Variants in PTPRD observed in about 807,000 individuals in gnomAD.
PTPRD encodes receptor-type tyrosine-protein phosphatase delta.
PTPRD carries 34 observed loss-of-function variants against 214.5 expected under a neutral mutation model. That is an observed-to-expected ratio of 0.16 (90% confidence interval 0.12 to 0.21). The LOEUF is 0.21. Ranked by LOEUF, PTPRD falls within the 10% of genes least tolerant of loss-of-function variation. PTPRD has a pLI of 1.00. For synonymous variants in PTPRD, 1,128 were observed against 845.7 expected (o/e 1.33, Z -5.79); for missense variants, 2,545 against 2,398.7 (o/e 1.06, Z -1.27).
intron 7 of PTPRD, among the ~76,000 whole-genome samples, chr9:9,726,626 C>A (rs745907672): frequency 6.6e-6 from 1 of 151,970 alleles, no homozygotes; most frequent in African/African-American, 2.4e-5. Flanking sequence ...TTCTCATTTG[C>A]AAAAATGGTA....
intron 9 of PTPRD, among the ~76,000 whole-genome samples, chr9:9,203,451 C>G (rs1327702114): frequency 2.0e-5 from 3 of 152,136 alleles, no homozygotes; most frequent in African/African-American, 7.2e-5. Context: ...TTCACATCAT[C>G]ATCTATCAAT....
At chr9:9,549,102 T>C (rs2079550340) in intron 8 of PTPRD, among the ~76,000 whole-genome samples, 1 of 152,092 alleles carries the variant, frequency 6.6e-6, no homozygotes, top group South Asian at 2.1e-4. Flanking sequence ...AAGTAGGCAA[T>C]ATTTTTTAGA....
At chr9:8,331,525 CAGACAATGA>C in intron 44 of PTPRD, 48 bp downstream of exon 44, 4 of 1,579,556 alleles carry the variant, frequency 2.5e-6, no homozygotes, top group Non-Finnish European at 3.4e-6. Context: ...AAAGTGTATA[CAGACAATGA>C]AGAAACACCA....
chr9:8,865,940 T>G (rs1341772831), intron 11 of PTPRD, among the ~76,000 whole-genome samples: 2 of 152,218 alleles, frequency 1.3e-5, no homozygotes, highest in African/African-American at 4.8e-5. Context: ...TAAAGTTTCA[T>G]GCTTTCCTAC....
At chr9:9,052,430 C>A (rs2099687863) in intron 10 of PTPRD, among the ~76,000 whole-genome samples, 1 of 152,142 alleles carries the variant, frequency 6.6e-6, no homozygotes, top group African/African-American at 2.4e-5. Context: ...AGATCAGAAC[C>A]CATTCCTTTG....
At chr9:8,793,155 C>G (rs1391139181) in intron 11 of PTPRD, among the ~76,000 whole-genome samples, 1 of 152,184 alleles carries the variant, frequency 6.6e-6, no homozygotes, top group Non-Finnish European at 1.5e-5. Flanking sequence ...GTAGCCCTGT[C>G]ATTGTAACAG....
intron 2 of PTPRD, among the ~76,000 whole-genome samples, chr9:10,343,978 GTTTTT>G (rs139613939): frequency 3.2e-5 from 1 of 31,664 alleles, no homozygotes; most frequent in African/African-American, 1.3e-4. Flanking sequence ...TCTGATGGTA[GTTTTT>G]TTTTTTTTTT....
At chr9:9,631,965 G>C (rs1437074821) in intron 7 of PTPRD, among the ~76,000 whole-genome samples, 1 of 152,014 alleles carries the variant, frequency 6.6e-6, no homozygotes, top group Non-Finnish European at 1.5e-5. Context: ...TAAAAAGTAA[G>C]GTTTATAATG....
At chr9:9,923,873 T>C (rs778968896) in intron 5 of PTPRD, among the ~76,000 whole-genome samples, 84 of 151,550 alleles carry the variant, frequency 5.5e-4, no homozygotes, top group Admixed American at 1.3e-3. Context: ...GAACAAGAAG[T>C]CCAACAGAGA....
intron 4 of PTPRD, among the ~76,000 whole-genome samples, chr9:9,971,050 A>G (rs10114140): frequency 0.22 from 34,039 of 152,162 alleles, 4,822 homozygotes; most frequent in African/African-American, 0.4. Flanking sequence ...TTAAGTAACA[A>G]CCTACAAAGA....
At chr9:10,005,899 TTAAA>T (rs1393432614) in intron 4 of PTPRD, among the ~76,000 whole-genome samples, 7 of 151,994 alleles carry the variant, frequency 4.6e-5, no homozygotes, top group African/African-American at 7.2e-5. Context: ...AAATGCTTAA[TTAAA>T]TAATCAGTCA....
rs1158257579 is a variant in PTPRD, at chr9:9,674,934, GTAGTT to G, written c.-287+59594_-287+59598del. Among the ~76,000 whole-genome samples, 4 of 151,870 alleles carry G rather than the reference GTAGTT, an allele frequency of 2.6e-5. No homozygotes were observed. In the East Asian group the frequency reaches 7.7e-4, roughly 29 times the overall value. ...ATGGTGAACAAAAAGACAAAAAAAA[GTAGTT>G]TAAGTATAGAAGGTTAGAAATAACA... On this transcript the variant is annotated intron_variant, in intron 7 of 45. Coordinates refer to ENST00000381196, the MANE Select transcript of PTPRD (RefSeq NM_002839.4).
intron 9 of PTPRD, among the ~76,000 whole-genome samples, chr9:9,355,709 G>C (rs1192774066): frequency 6.6e-6 from 1 of 151,548 alleles, no homozygotes; most frequent in Non-Finnish European, 1.5e-5. Flanking sequence ...CAGGTATACA[G>C]AAGGTGTTTG....
At chr9:8,607,892 T>G (rs546185487) in intron 14 of PTPRD, among the ~76,000 whole-genome samples, 1 of 152,338 alleles carries the variant, frequency 6.6e-6, no homozygotes, top group South Asian at 2.1e-4. Flanking sequence ...TACATTATGG[T>G]GGACTTTATA....
chr9:10,383,802 A>G (rs188331741), intron 2 of PTPRD, among the ~76,000 whole-genome samples: 1 of 152,018 alleles, frequency 6.6e-6, no homozygotes, highest in African/African-American at 2.4e-5. Context: ...ATAAGTTAGC[A>G]TAATAGGAAC....
intron 10 of PTPRD, among the ~76,000 whole-genome samples, chr9:9,162,927 G>T (rs1213747543): frequency 1.3e-5 from 2 of 151,972 alleles, no homozygotes; most frequent in African/African-American, 4.8e-5. Context: ...TAACTTCTTG[G>T]GAACATTTGA....
At chr9:9,169,702 T>C (rs1316547507) in intron 10 of PTPRD, among the ~76,000 whole-genome samples, 1 of 152,188 alleles carries the variant, frequency 6.6e-6, no homozygotes, top group Non-Finnish European at 1.5e-5. Flanking sequence ...AAAGATTTAC[T>C]ACCATGTTTA....
intron 10 of PTPRD, among the ~76,000 whole-genome samples, chr9:9,032,891 C>T (rs968171552): frequency 4.4e-4 from 67 of 152,250 alleles, no homozygotes; most frequent in African/African-American, 1.5e-3. Context: ...GTCTTCCCTT[C>T]CAGCCGGCCT....
chr9:8,836,438 G>C (rs1475990299), intron 11 of PTPRD, among the ~76,000 whole-genome samples: 1 of 151,794 alleles, frequency 6.6e-6, no homozygotes, highest in African/African-American at 2.4e-5. Flanking sequence ...TTTAACATTA[G>C]GACATCTACT....
Sources: gnomAD v4.1 joint callset for allele counts (sites outside exome capture counted in the v4.1 genomes callset) on GRCh38, gnomAD v4.1.1 for gene constraint, MANE v1.5 for transcripts, NCBI Gene and HGNC (gene_info 2026-07-23, HGNC 2026-07-21) for gene names.